MIS18BP1: variants seen among roughly 807,000 people sequenced by gnomAD.
The protein encoded by MIS18BP1 is MIS18 binding protein 1.
In MIS18BP1, 72 loss-of-function variants were observed where a neutral mutation model predicts 116.1. The observed-to-expected ratio is 0.62, with a 90% confidence interval of 0.51 to 0.75. The LOEUF is 0.75. MIS18BP1 is among the 30% of genes least tolerant of loss of function. The pLI is 0.00. For synonymous variants in MIS18BP1, 386 were observed against 427.0 expected (o/e 0.90, Z 1.18); for missense variants, 1,363 against 1,303.2 (o/e 1.05, Z -0.71).
chr14:45,226,786 AATT>A lies in MIS18BP1; in HGVS notation c.1794_1796del (p.Lys598_Ile599delinsAsn). The A allele has an allele frequency of 2.1e-6, 3 of 1,414,944 alleles. No homozygotes were observed. The highest frequency in any genetic ancestry group is 2.8e-6 in the Non-Finnish European group (3 of 1,062,564). 87.6% of individuals were successfully genotyped at this position (1,414,944 alleles called of 1,614,324 possible). A position where few individuals can be genotyped will look rare whatever the true frequency, so the allele number is the denominator to read the frequency against. On this transcript the variant is annotated inframe_deletion, in exon 10 of 17. Transcript: ENST00000310806. ...TTATCCTTTCATTTGTTCTTTCACCAATTTTTAGTTTCTTTGAAGACATTTTAT... is the reference window on the plus strand; with the variant it reads ...TTATCCTTTCATTTGTTCTTTCACCATTTAGTTTCTTTGAAGACATTTTAT...
At chr14:45,247,928 T>G (rs185474968) in intron 1 of MIS18BP1, among the ~76,000 whole-genome samples, 1 of 152,222 alleles carries the variant, frequency 6.6e-6, no homozygotes, top group East Asian at 1.9e-4. Context: ...TTTTAAGGTC[T>G]TAGTTGAAAA....
chr14:45,231,774 G>A (rs1479469581), intron 7 of MIS18BP1, among the ~76,000 whole-genome samples: 3 of 152,142 alleles, frequency 2.0e-5, no homozygotes, highest in South Asian at 2.1e-4. Context: ...GCCAGCCCCC[G>A]TTACCAGTTA....
At chr14:45,246,301 C>T (rs1891719964) in intron 2 of MIS18BP1, among the ~76,000 whole-genome samples, 1 of 152,202 alleles carries the variant, frequency 6.6e-6, no homozygotes, top group South Asian at 2.1e-4. Context: ...CTACTCACTC[C>T]ATGACACACT....
At position 45,224,743 on chromosome 14, in the gene MIS18BP1, G is replaced by A. The variant is rs1348538517; in HGVS notation, c.1844C>T (p.Thr615Ile). ...ERIIKSQKQETTEELDVSIDI... is the reference protein window; with the variant it reads ...ERIIKSQKQEITEELDVSIDI... ...AATGGATACATCCAATTCTTCAGTT[G>A]TCTCTTTAATTTCATAAGACAAAAC... The change falls in exon 11 of 17, where the codon ACA becomes ATA. Residue 615 changes from threonine to isoleucine, a missense_variant. Transcript: ENST00000310806. 6 of 1,555,296 alleles carry A rather than the reference G, an allele frequency of 3.9e-6. No homozygotes were observed. The Middle Eastern group carries it at 5.2e-4, about 136-fold the overall frequency.
chr14:45,249,013 C>T (rs1309330673), intron 1 of MIS18BP1, among the ~76,000 whole-genome samples: 1 of 152,002 alleles, frequency 6.6e-6, no homozygotes, highest in African/African-American at 2.4e-5. Flanking sequence ...TCAAGCAATC[C>T]TCCTACCTCA....
Position 45,224,573 on chromosome 14 carries a change from C to A in MIS18BP1, c.2014G>T (p.Ala672Ser). Residue 672 changes from alanine to serine, a missense_variant, in exon 11 of 17, where the codon GCT becomes TCT. Ala to Ser is a moderately conservative substitution (Grantham distance 99, BLOSUM62 1). Coordinates refer to ENST00000310806, the MANE Select transcript of MIS18BP1 (RefSeq NM_018353.5). Reference sequence around the variant, plus strand: ...TCTGTTACTGCTTTGATGGTGCCAGCGGACAGATTATACCTCATGCATCTT... The same window carrying A: ...TCTGTTACTGCTTTGATGGTGCCAGAGGACAGATTATACCTCATGCATCTT... ...EQRCMRYNLS[A>S]GTIKAVTDFV... 2.5e-6 allele frequency: 4 copies of A among 1,612,948 alleles called. No homozygotes were observed. Among genetic ancestry groups the A allele is most frequent in the Non-Finnish European group, 2.5e-6 (3 of 1,179,724 alleles).
intron 6 of MIS18BP1, among the ~76,000 whole-genome samples, chr14:45,235,398 A>G (rs527644681): frequency 6.6e-6 from 1 of 152,004 alleles, no homozygotes; most frequent in African/African-American, 2.4e-5. Flanking sequence ...GGTCATGCAC[A>G]GGACCAGCCT....
At chr14:45,237,841 T>C in intron 4 of MIS18BP1, 120 bp from the exon 5 acceptor site, 1 of 1,327,568 alleles carries the variant, frequency 7.5e-7, no homozygotes, top group Non-Finnish European at 9.9e-7. Context: ...CTTAGTGTCA[T>C]CGATGTAAGA....
chr14:45,207,547 A>G (rs1890551642), intron 14 of MIS18BP1, among the ~76,000 whole-genome samples: 1 of 152,138 alleles, frequency 6.6e-6, no homozygotes, highest in Non-Finnish European at 1.5e-5. Context: ...GCTACTTGGG[A>G]GGCTGAGGCA....
chr14:45,246,684 T>C (rs955614659), intron 2 of MIS18BP1, 59 bp downstream of exon 2: 16 of 1,472,950 alleles, frequency 1.1e-5, no homozygotes, highest in Non-Finnish European at 1.4e-5. Context: ...CCTAAAACAG[T>C]GTCTGAAACA....
chr14:45,209,111 T>C lies in MIS18BP1; in HGVS notation c.3152+1269A>G, dbSNP rs547779042. Among the ~76,000 whole-genome samples, 21 of 152,236 alleles carry C rather than the reference T, an allele frequency of 1.4e-4. No homozygotes were observed. In the South Asian group the frequency reaches 3.9e-3, roughly 29 times the overall value. Reference sequence around the variant, plus strand: ...CAGCTACCTTAGTTCTCCCTAAGGATCACCAATGTTTTGGTTTCTTATGCA... The same window carrying C: ...CAGCTACCTTAGTTCTCCCTAAGGACCACCAATGTTTTGGTTTCTTATGCA... On this transcript the variant is annotated intron_variant, in intron 14 of 16. Transcript: ENST00000310806.
At chr14:45,221,600 AATT>A (rs1482355770) in intron 11 of MIS18BP1, among the ~76,000 whole-genome samples, 1 of 152,192 alleles carries the variant, frequency 6.6e-6, no homozygotes, top group African/African-American at 2.4e-5. Context: ...AGTTTAATTC[AATT>A]ATCATCAGAG....
intron 13 of MIS18BP1, among the ~76,000 whole-genome samples, chr14:45,213,171 T>A (rs1890722206): frequency 6.6e-6 from 1 of 152,174 alleles, no homozygotes; most frequent in South Asian, 2.1e-4. Flanking sequence ...CCCAAAGTGC[T>A]GGGACTACAG....
In MIS18BP1 at chr14:45,205,395, A is replaced by G. The variant is rs1365864437; in HGVS notation, c.3240+688T>C. On this transcript the variant is annotated intron_variant, in intron 15 of 16. Transcript: ENST00000310806. ...CCATAAGTTACCATTCTCGAAGATT[A>G]GCTACTTAGAGGAAATTTGAGATGA... Among the ~76,000 whole-genome samples, 3 of 152,252 alleles carry G rather than the reference A, an allele frequency of 2.0e-5. No individual in the cohort carries two copies. In the East Asian group the frequency reaches 5.8e-4, roughly 29 times the overall value.
intron 12 of MIS18BP1, 99 bp downstream of exon 12, chr14:45,218,183 C>T: frequency 3.2e-6 from 4 of 1,246,174 alleles, no homozygotes; most frequent in Non-Finnish European, 4.4e-6. Flanking sequence ...TAAGAAAATA[C>T]CTATTAATAT....
In MIS18BP1 at chr14:45,231,204, C is replaced by G. The variant is rs529871068; in HGVS notation, c.1531G>C (p.Glu511Gln). 6.2e-7 allele frequency: 1 copy of G among 1,613,960 alleles called. No homozygotes were observed. The highest frequency in any genetic ancestry group is 1.1e-5 in the South Asian group (1 of 91,072). The change falls in exon 8 of 17, where the codon GAA (glutamate) becomes CAA (glutamine). Residue 511 changes from glutamate (E) to glutamine (Q), a missense_variant. Transcript: ENST00000310806. Reference protein sequence around the residue: ...IRKSMKNDARENQTDTAQRAT... With the variant: ...IRKSMKNDARQNQTDTAQRAT... ...CTTTGAGCAGTATCTGTTTGGTTTT[C>G]TCGTGCATCATTTTTCATTGATTTC...
intron 9 of MIS18BP1, 60 bp downstream of exon 9, chr14:45,227,603 A>G (rs1891158582): frequency 7.0e-7 from 1 of 1,432,412 alleles, no homozygotes; most frequent in Non-Finnish European, 9.6e-7. Flanking sequence ...AAACCTTTTC[A>G]GTAGTAAATC....
chr14:45,249,768 G>A (rs1218062097), intron 1 of MIS18BP1, among the ~76,000 whole-genome samples: 1 of 152,152 alleles, frequency 6.6e-6, no homozygotes, highest in Non-Finnish European at 1.5e-5. Context: ...CTACTCAGGA[G>A]GCTGAGGCAG....
At chr14:45,227,847 G>T in intron 8 of MIS18BP1, 33 bp from the exon 9 acceptor site, 2 of 1,599,528 alleles carry the variant, frequency 1.3e-6, no homozygotes, top group Non-Finnish European at 1.7e-6. Flanking sequence ...TTCAATAAAT[G>T]GTTATATAAA....
Sources: allele counts gnomAD v4.1 joint callset (sites outside exome capture counted in the v4.1 genomes callset), GRCh38; gene constraint gnomAD v4.1.1; transcripts MANE v1.5; gene names NCBI Gene and HGNC (gene_info 2026-07-23, HGNC 2026-07-21).